Variants in ASIC2 observed in about 807,000 individuals in gnomAD.
The protein encoded by ASIC2 is acid sensing ion channel subunit 2, also known as acid-sensing ion channel 2.
A neutral mutation model predicts 57.3 loss-of-function variants in ASIC2; 25 were observed. The observed-to-expected ratio is 0.44, with a 90% CI of 0.32 to 0.61. ASIC2 has a LOEUF of 0.61. Among genes scored for constraint, ASIC2 ranks in the 20% least tolerant of loss-of-function variants. The pLI, the probability that ASIC2 is intolerant of heterozygous loss-of-function variation, is 0.06. For missense variants in ASIC2, 641 were observed against 738.1 expected (o/e 0.87, Z 1.52); for synonymous variants, 319 against 307.5 (o/e 1.04, Z -0.39).
intron 1 of ASIC2, among the ~76,000 whole-genome samples, chr17:34,064,880 T>C (rs923215802): frequency 6.6e-6 from 1 of 152,004 alleles, no homozygotes; most frequent in Non-Finnish European, 1.5e-5. Flanking sequence ...AAAAAAACAG[T>C]AGATGTTAGC....
rs60183644 is a variant in ASIC2, at chr17:33,032,440, G to GTTTTTTTTTTTTTTTTTTTTTT, written c.988-4070_988-4049dup. ...TCTGTTATAAGCACTATAATACACT[G>GTTTTTTTTTTTTTTTTTTTTTT]TTTTTTTTTTTTTTTTTTTTTTTTT... On this transcript the variant is annotated intron_variant, in intron 3 of 9. Transcript: ENST00000225823. Among the ~76,000 whole-genome samples the GTTTTTTTTTTTTTTTTTTTTTT allele has an allele frequency of 1.3e-4, 12 of 94,116 alleles. 4 individuals carry two copies. The highest frequency in any genetic ancestry group is 5.6e-4 in the African/African-American group (12 of 21,322). 61.7% of individuals were successfully genotyped at this position (94,116 alleles called of 152,430 possible).
At chr17:33,929,275 C>T (rs1229704682) in intron 1 of ASIC2, among the ~76,000 whole-genome samples, 2 of 152,156 alleles carry the variant, frequency 1.3e-5, no homozygotes, top group Non-Finnish European at 2.9e-5. Flanking sequence ...TGCCCCCGAC[C>T]GAGCTGTTTA....
intron 1 of ASIC2, among the ~76,000 whole-genome samples, chr17:33,645,637 T>G (rs1305900061): frequency 2.6e-5 from 4 of 152,196 alleles, no homozygotes; most frequent in African/African-American, 9.7e-5. Context: ...GGATCTTTAC[T>G]CCTTACCCAT....
chr17:34,065,990 A>G (rs1909160720), intron 1 of ASIC2, among the ~76,000 whole-genome samples: 1 of 152,192 alleles, frequency 6.6e-6, no homozygotes, highest in African/African-American at 2.4e-5. Flanking sequence ...ACAATAGGTG[A>G]CAAAACTGAG....
intron 1 of ASIC2, among the ~76,000 whole-genome samples, chr17:33,887,427 G>A (rs1914855397): frequency 6.6e-6 from 1 of 152,138 alleles, no homozygotes; most frequent in Non-Finnish European, 1.5e-5. Flanking sequence ...TATCAGGGAA[G>A]GCTTCCTGGA....
At chr17:34,029,192 A>G (rs74908428) in intron 1 of ASIC2, among the ~76,000 whole-genome samples, 1,979 of 152,200 alleles carry the variant, frequency 0.013, 34 homozygotes, top group African/African-American at 0.043. Flanking sequence ...TATAAATTAT[A>G]TATTCTACTT....
intron 1 of ASIC2, among the ~76,000 whole-genome samples, chr17:33,815,313 G>T (rs139099469): frequency 6.6e-6 from 1 of 152,182 alleles, no homozygotes; most frequent in Non-Finnish European, 1.5e-5. Flanking sequence ...TAGTTCACAC[G>T]CTCTGGTTGG....
intron 1 of ASIC2, among the ~76,000 whole-genome samples, chr17:33,272,113 A>C (rs1904517049): frequency 6.6e-6 from 1 of 152,204 alleles, no homozygotes; most frequent in Non-Finnish European, 1.5e-5. Context: ...ATCTTGGCTC[A>C]AATGCCACCT....
chr17:33,643,823 C>T (rs1647350572), intron 1 of ASIC2, among the ~76,000 whole-genome samples: 1 of 152,046 alleles, frequency 6.6e-6, no homozygotes, highest in South Asian at 2.1e-4. Context: ...AGTAGGCACT[C>T]AATAAATGGT....
chr17:33,982,543 C>T (rs1233435935), intron 1 of ASIC2, among the ~76,000 whole-genome samples: 2 of 152,178 alleles, frequency 1.3e-5, no homozygotes, highest in African/African-American at 2.4e-5. Context: ...TTAGTGGGTC[C>T]TTGTCCATAT....
intron 1 of ASIC2, among the ~76,000 whole-genome samples, chr17:33,615,047 A>T (rs1018025570): frequency 5.3e-5 from 8 of 152,210 alleles, no homozygotes; most frequent in African/African-American, 1.9e-4. Context: ...TTTTATTATT[A>T]AAGATTTCTT....
chr17:33,077,947 C>T (rs931776744), intron 3 of ASIC2, among the ~76,000 whole-genome samples: 3 of 152,064 alleles, frequency 2.0e-5, no homozygotes, highest in Non-Finnish European at 4.4e-5. Context: ...CAGCTTTTGG[C>T]CTATGCATGG....
chr17:33,766,415 C>T (rs1212997114), intron 1 of ASIC2, among the ~76,000 whole-genome samples: 2 of 152,146 alleles, frequency 1.3e-5, no homozygotes, highest in African/African-American at 2.4e-5. Context: ...AAGTGGTTTC[C>T]TTGAAGCCTC....
At chr17:33,997,126 AATTT>A (rs931882612) in intron 1 of ASIC2, among the ~76,000 whole-genome samples, 2 of 151,382 alleles carry the variant, frequency 1.3e-5, no homozygotes, top group African/African-American at 2.4e-5. Flanking sequence ...TTGTTTCCTA[AATTT>A]ATTTATTTAT....
At chr17:33,191,099 T>C (rs892557001) in intron 1 of ASIC2, among the ~76,000 whole-genome samples, 17 of 152,198 alleles carry the variant, frequency 1.1e-4, no homozygotes, top group Admixed American at 1.3e-4. Flanking sequence ...GCCTAAAAGA[T>C]TTTTTTAAAA....
At chr17:33,519,021 CAT>C (rs1252359023) in intron 1 of ASIC2, among the ~76,000 whole-genome samples, 30,447 of 151,216 alleles carry the variant, frequency 0.2, 3,126 homozygotes, top group East Asian at 0.28. Flanking sequence ...GGGGTTTCAC[CAT>C]GTTGGCCAGG....
At chr17:34,123,342 G>A (rs1911682566) in intron 1 of ASIC2, among the ~76,000 whole-genome samples, 1 of 152,152 alleles carries the variant, frequency 6.6e-6, no homozygotes, top group Non-Finnish European at 1.5e-5. Context: ...ACCCAGTCAG[G>A]AGGAAGGCTT....
intron 7 of ASIC2, among the ~76,000 whole-genome samples, chr17:33,020,936 G>C (rs1289512916): frequency 6.6e-6 from 1 of 152,112 alleles, no homozygotes; most frequent in African/African-American, 2.4e-5. Context: ...GGTTAGAAAG[G>C]CCCAGAGAGA....
intron 1 of ASIC2, among the ~76,000 whole-genome samples, chr17:33,256,176 C>T (rs1376668626): frequency 6.6e-6 from 1 of 152,010 alleles, no homozygotes; most frequent in Non-Finnish European, 1.5e-5. Flanking sequence ...AACTGAATAC[C>T]ACCAAAGGGT....
Sources: gnomAD v4.1 joint callset for allele counts (sites outside exome capture counted in the v4.1 genomes callset) on GRCh38, gnomAD v4.1.1 for gene constraint, MANE v1.5 for transcripts, NCBI Gene and HGNC (gene_info 2026-07-23, HGNC 2026-07-21) for gene names.